The following TEAD4 variants were observed in gnomAD, a reference collection of about 807,000 sequenced individuals.
The protein encoded by TEAD4 is transcriptional enhancer factor TEF-3.
TEAD4 carries 36 observed loss-of-function variants against 52.4 expected under a neutral mutation model. The observed-to-expected ratio is 0.69, with a 90% CI of 0.53 to 0.91. The LOEUF is 0.91. Ranked by LOEUF, TEAD4 falls within the 40% of genes least tolerant of loss-of-function variation. The pLI is 0.00. For missense variants in TEAD4, 508 were observed against 583.9 expected, an observed-to-expected ratio of 0.87 and a Z score of 1.34; for synonymous variants, 220 against 231.0, an observed-to-expected ratio of 0.95 and a Z score of 0.43.
chr12:3,022,348 C>G (rs1488900717), intron 10 of TEAD4, among the ~76,000 whole-genome samples: 1 of 152,184 alleles, frequency 6.6e-6, no homozygotes, highest in Non-Finnish European at 1.5e-5. Context: ...TAAGTGAAGA[C>G]ATGACTAGGA....
At chr12:3,035,343 C>T (rs2098278701) in intron 10 of TEAD4, among the ~76,000 whole-genome samples, 1 of 152,206 alleles carries the variant, frequency 6.6e-6, no homozygotes, top group African/African-American at 2.4e-5. Flanking sequence ...GTGTTCCCCA[C>T]CATGTCCAGT....
In TEAD4 at chr12:3,022,259, C is replaced by T. The variant is rs977773938; in HGVS notation, c.897+242C>T. On this transcript the variant is annotated intron_variant, in intron 10 of 12. Coordinates refer to ENST00000359864, the MANE Select transcript of TEAD4 (RefSeq NM_003213.4). The stretch of plus-strand genomic sequence containing the variant: ...CTTGTCTCACGGGTGGGGATGGCAG[C>T]TAAGCCGGGCTAACAGTGGAGCCCT... 3.2e-4 allele frequency among the ~76,000 whole-genome samples: 49 copies of T among 152,300 alleles called. 1 individual carries two copies. The Middle Eastern group carries it at 0.014, about 42-fold the overall frequency.
intron 2 of TEAD4, among the ~76,000 whole-genome samples, chr12:2,971,392 C>G (rs1411470299): frequency 4.6e-5 from 7 of 151,966 alleles, no homozygotes; most frequent in Non-Finnish European, 7.4e-5. Flanking sequence ...GATTTGAGGG[C>G]TATTGTCATG....
chr12:3,020,630 G>A lies in TEAD4; in HGVS notation c.584-4G>A, dbSNP rs201009033. ...GTTCCATGTGCCTTTCTCACTTTGT[G>A]CAGGGTTTGAGTCTCCTGCAGGGCC... On this transcript the variant is annotated splice_polypyrimidine_tract_variant and splice_region_variant and intron_variant, in intron 8 of 12. Coordinates refer to ENST00000359864, the MANE Select transcript of TEAD4 (RefSeq NM_003213.4). 37 of 1,540,108 alleles carry A rather than the reference G, an allele frequency of 2.4e-5. No homozygotes were observed. The highest frequency in any genetic ancestry group is 2.8e-5 in the African/African-American group (2 of 72,042).
intron 2 of TEAD4, among the ~76,000 whole-genome samples, chr12:2,976,362 C>CG (rs1437893459): frequency 3.3e-5 from 5 of 152,056 alleles, no homozygotes; most frequent in East Asian, 1.9e-4. Context: ...CTGCCCCCTC[C>CG]CAACCTTTTG....
Position 2,994,624 on chromosome 12 carries a change from C to T in TEAD4, c.-29-114C>T, listed in dbSNP as rs71534244. ...TGATTCTCACAGATCTTTCACTTCA[C>T]GCTTTGCTTCCTGAGCAACTGATTC... On this transcript the variant is annotated intron_variant, in intron 2 of 12. Coordinates refer to ENST00000359864, the MANE Select transcript of TEAD4 (RefSeq NM_003213.4). This position sits in a 1 kb window ranked among gnomAD's most constrained non-coding sequence, Gnocchi z 4.7. 6.8e-3 allele frequency: 9,241 copies of T among 1,357,288 alleles called. 41 individuals are homozygous for T. Among genetic ancestry groups the T allele is most frequent in the Non-Finnish European group, 8.1e-3 (8,374 of 1,029,688 alleles). 84.1% of individuals were successfully genotyped at this position (1,357,288 alleles called of 1,614,324 possible). A position where few individuals can be genotyped will look rare whatever the true frequency, so the allele number is the denominator to read the frequency against.
At chr12:3,012,078 T>C (rs2098260757) in intron 4 of TEAD4, 92 bp from the exon 5 acceptor site, 6 of 1,293,040 alleles carry the variant, frequency 4.6e-6, no homozygotes, top group Non-Finnish European at 6.6e-6. Context: ...CAGATGTGGG[T>C]TGAGGGCTGT....
Position 2,975,528 on chromosome 12 carries a change from A to G in TEAD4, c.-30+15488A>G, listed in dbSNP as rs933118758. On this transcript the variant is annotated intron_variant, in intron 2 of 12. Coordinates refer to ENST00000359864, the MANE Select transcript of TEAD4 (RefSeq NM_003213.4). ...CTCAGCCTCTCAAGTAGCTGGGATT[A>G]CAGGCATGCGCCACCACACCCAGCT... is the stretch of plus-strand genomic sequence containing the variant. Among the ~76,000 whole-genome samples the G allele has an allele frequency of 5.3e-5, 8 of 152,196 alleles. No homozygotes were observed. In the South Asian group the frequency reaches 1.0e-3, roughly 20 times the overall value.
chr12:2,972,539 G>A lies in TEAD4; in HGVS notation c.-30+12499G>A, dbSNP rs1268399002. ...TTTGAGACAGAGTTTTGCTTTTGTT[G>A]CCCAGGCTGGAGTGCAATGGTGCAA... On this transcript the variant is annotated intron_variant, in intron 2 of 12. Coordinates refer to ENST00000359864, the MANE Select transcript of TEAD4 (RefSeq NM_003213.4). Among the ~76,000 whole-genome samples the A allele has an allele frequency of 6.4e-5, 3 of 47,104 alleles. No homozygotes were observed. In the East Asian group the frequency reaches 2.0e-3, roughly 32 times the overall value. The allele number at this position is 47,104 out of a possible 152,430, so 30.9% of individuals were successfully genotyped here.
intron 2 of TEAD4, among the ~76,000 whole-genome samples, chr12:2,975,692 CATT>C (rs2098229065): frequency 6.6e-6 from 1 of 151,942 alleles, no homozygotes; most frequent in Non-Finnish European, 1.5e-5. Context: ...CCAGCCAGCA[CATT>C]ATTAGAGTCC....
chr12:2,993,623 AG>A (rs907405350), intron 2 of TEAD4, among the ~76,000 whole-genome samples: 39 of 152,070 alleles, frequency 2.6e-4, no homozygotes, highest in Admixed American at 2.3e-3. Context: ...GGTGCGAGCC[AG>A]CACACCTGGC....
intron 2 of TEAD4, among the ~76,000 whole-genome samples, chr12:2,978,487 G>A (rs938012316): frequency 6.7e-6 from 1 of 149,324 alleles, no homozygotes; most frequent in East Asian, 2.0e-4. Flanking sequence ...ATCTTGGCTC[G>A]CTGCCTCCGG....
intron 2 of TEAD4, among the ~76,000 whole-genome samples, chr12:2,993,326 A>G (rs1196654871): frequency 2.0e-5 from 3 of 152,168 alleles, no homozygotes; most frequent in African/African-American, 7.2e-5. Flanking sequence ...TTGACCACTT[A>G]AGAACATTTT....
intron 3 of TEAD4, among the ~76,000 whole-genome samples, chr12:2,998,897 C>A (rs942315975): frequency 2.6e-5 from 4 of 152,166 alleles, no homozygotes; most frequent in African/African-American, 4.8e-5. Flanking sequence ...CAGGCTCTGA[C>A]AACCGCCCAG....
At chr12:2,989,255 T>A (rs569897034) in intron 2 of TEAD4, among the ~76,000 whole-genome samples, 1 of 152,200 alleles carries the variant, frequency 6.6e-6, no homozygotes, top group South Asian at 2.1e-4. Context: ...ATTTTCTCAA[T>A]GAGGCTCTTT....
chr12:3,027,408 T>C (rs1366704688), intron 10 of TEAD4, among the ~76,000 whole-genome samples: 1 of 152,216 alleles, frequency 6.6e-6, no homozygotes, highest in Non-Finnish European at 1.5e-5. Context: ...TTTCTTGCAA[T>C]GTAATTAACT....
intron 2 of TEAD4, among the ~76,000 whole-genome samples, chr12:2,975,414 G>A (rs1050056379): frequency 6.6e-6 from 1 of 150,756 alleles, no homozygotes; most frequent in Non-Finnish European, 1.5e-5. Context: ...TAGAGATGGA[G>A]TCTTGCTCTT....
At chr12:2,999,545 T>G (rs1482283510) in intron 3 of TEAD4, among the ~76,000 whole-genome samples, 10 of 152,226 alleles carry the variant, frequency 6.6e-5, no homozygotes, top group Non-Finnish European at 1.5e-5. Context: ...ATTTCTGAGC[T>G]GAGTCTCCCA....
At chr12:3,016,221 T>C (rs901127061) in intron 5 of TEAD4, among the ~76,000 whole-genome samples, 1 of 151,798 alleles carries the variant, frequency 6.6e-6, no homozygotes, top group Admixed American at 6.6e-5. Context: ...AGAGCCAGGG[T>C]TTCACCAAGT....
Sources: gnomAD v4.1 joint callset for allele counts (sites outside exome capture counted in the v4.1 genomes callset) on GRCh38, gnomAD v4.1.1 for gene constraint, Gnocchi (gnomAD v3.1) non-coding constraint, MANE v1.5 for transcripts, NCBI Gene and HGNC (gene_info 2026-07-23, HGNC 2026-07-21) for gene names.